The following STK39 variants were observed in gnomAD, a reference collection of about 807,000 sequenced individuals.
STK39 encodes the protein STE20/SPS1-related proline-alanine-rich protein kinase.
In STK39, 20 loss-of-function variants were observed where a neutral mutation model predicts 77.8. The observed-to-expected ratio is 0.26, with a 90% CI of 0.18 to 0.37. The LOEUF (loss-of-function observed/expected upper bound fraction) is 0.37. Among genes scored for constraint, STK39 ranks in the 10% least tolerant of loss-of-function variants. The pLI, the probability that STK39 is intolerant of heterozygous loss-of-function variation, is 1.00. For synonymous variants in STK39, 246 were observed against 234.1 expected, an observed-to-expected ratio of 1.05 and a Z score of -0.47; for missense variants, 479 against 656.5, an observed-to-expected ratio of 0.73 and a Z score of 2.95.
At chr2:168,075,357 G>C (rs1399395806) in intron 10 of STK39, 126 bp from the exon 11 acceptor site, 1 of 1,302,828 alleles carries the variant, frequency 7.7e-7, no homozygotes, top group East Asian at 2.3e-5. Context: ...TGAATCCAGG[G>C]ATAGCTAGCG....
chr2:168,100,705 A>C (rs1686800731), intron 10 of STK39, among the ~76,000 whole-genome samples: 1 of 152,154 alleles, frequency 6.6e-6, no homozygotes, highest in Admixed American at 6.5e-5. Flanking sequence ...ATCTACAAAA[A>C]ACTTAATGCT....
At chr2:168,107,293 T>C (rs1312891493) in intron 10 of STK39, among the ~76,000 whole-genome samples, 3 of 152,188 alleles carry the variant, frequency 2.0e-5, no homozygotes, top group Non-Finnish European at 4.4e-5. Context: ...TATAAAAACC[T>C]TTAGTCTTGA....
rs975881012 is a variant in STK39 at position 168,174,732 on chromosome 2, T to G, written c.321+7246A>C. ...GAAATAGATGGCCGGCCTGGTAGCATGCACCTGTAATGACAACTACTCACC... is the reference window on the plus strand; with the variant it reads ...GAAATAGATGGCCGGCCTGGTAGCAGGCACCTGTAATGACAACTACTCACC... On this transcript the variant is annotated intron_variant, in intron 2 of 17. Transcript: ENST00000355999. Among the ~76,000 whole-genome samples, 5 of 150,058 alleles carry G rather than the reference T, an allele frequency of 3.3e-5. No homozygotes were observed. In the East Asian group the frequency reaches 9.8e-4, roughly 30 times the overall value.
At chr2:168,009,311 A>C (rs1223932046) in intron 16 of STK39, among the ~76,000 whole-genome samples, 1 of 152,194 alleles carries the variant, frequency 6.6e-6, no homozygotes, top group Non-Finnish European at 1.5e-5. Flanking sequence ...GATTGGTTAG[A>C]GGGAACAAGA....
chr2:168,223,496 G>A (rs1690226839), intron 1 of STK39, among the ~76,000 whole-genome samples: 1 of 131,664 alleles, frequency 7.6e-6, no homozygotes, highest in Non-Finnish European at 1.6e-5. Flanking sequence ...GGGTGACAGA[G>A]TGAGACTCCG....
At chr2:168,096,906 G>GA (rs35250426) in intron 10 of STK39, among the ~76,000 whole-genome samples, 56,730 of 151,306 alleles carry the variant, frequency 0.37, 11,672 homozygotes, top group East Asian at 0.53. Flanking sequence ...AATAAGCATA[G>GA]AAAAAAAAAC....
At chr2:168,242,221 G>A (rs56988309) in intron 1 of STK39, among the ~76,000 whole-genome samples, 2,158 of 151,854 alleles carry the variant, frequency 0.014, 55 homozygotes, top group African/African-American at 0.049. Context: ...CTTTAAGAAC[G>A]GTTAAAATGG....
chr2:167,992,622 C>A (rs2105284736), intron 16 of STK39, among the ~76,000 whole-genome samples: 1 of 152,230 alleles, frequency 6.6e-6, no homozygotes, highest in East Asian at 1.9e-4. Flanking sequence ...TAAATTAAGA[C>A]TTGAGACAGA....
intron 3 of STK39, 146 bp downstream of exon 3, chr2:168,167,153 G>C: frequency 1.5e-6 from 1 of 668,458 alleles, no homozygotes; most frequent in South Asian, 1.9e-5. Flanking sequence ...GAAGCAATCT[G>C]GACGTTATCC....
intron 1 of STK39, among the ~76,000 whole-genome samples, chr2:168,182,687 G>C (rs1007150986): frequency 1.3e-5 from 2 of 152,132 alleles, no homozygotes; most frequent in African/African-American, 4.8e-5. Flanking sequence ...ATGATCATTA[G>C]CTAATGCACT....
At chr2:168,107,794 CTG>C (rs977363528) in intron 10 of STK39, among the ~76,000 whole-genome samples, 1 of 152,214 alleles carries the variant, frequency 6.6e-6, no homozygotes, top group African/African-American at 2.4e-5. Flanking sequence ...TACTGTAACA[CTG>C]TTCATAGTGA....
chr2:167,992,982 T>C (rs1189856489), intron 16 of STK39, among the ~76,000 whole-genome samples: 1 of 152,250 alleles, frequency 6.6e-6, no homozygotes, highest in Non-Finnish European at 1.5e-5. Flanking sequence ...AAGCAAACTT[T>C]GGTTTCTTCT....
chr2:168,097,549 A>C (rs1161824884), intron 10 of STK39, among the ~76,000 whole-genome samples: 2 of 152,014 alleles, frequency 1.3e-5, no homozygotes, highest in Non-Finnish European at 2.9e-5. Context: ...ACACAGCCAG[A>C]CCTCATCTCC....
At chr2:168,091,528 T>A (rs1193678863) in intron 10 of STK39, among the ~76,000 whole-genome samples, 1 of 152,216 alleles carries the variant, frequency 6.6e-6, no homozygotes, top group South Asian at 2.1e-4. Context: ...TTAGCTGTGG[T>A]GTCAGATTCC....
chr2:168,236,764 T>C (rs556435196), intron 1 of STK39, among the ~76,000 whole-genome samples: 4 of 152,294 alleles, frequency 2.6e-5, no homozygotes, highest in South Asian at 2.1e-4. Flanking sequence ...GTTGTAGATA[T>C]GCGGCATTAT....
In STK39 at chr2:168,228,329, T is replaced by C. The variant is rs184510583; in HGVS notation, c.208+18899A>G. ...GTAGACATTTCTAAAAATATCAATT[T>C]ACACTTTTTTTTTTAAAGTTCTATG... On this transcript the variant is annotated intron_variant, in intron 1 of 17. Transcript: ENST00000355999. Among the ~76,000 whole-genome samples, 264 of 152,206 alleles carry C rather than the reference T, an allele frequency of 1.7e-3. 2 individuals carry two copies. Among genetic ancestry groups the C allele is most frequent in the African/African-American group, 6.0e-3 (250 of 41,436 alleles).
chr2:168,147,754 G>T (rs10177381), intron 5 of STK39, among the ~76,000 whole-genome samples: 5,974 of 152,112 alleles, frequency 0.039, 312 homozygotes, highest in East Asian at 0.24. Context: ...ATAAATACAA[G>T]AAACATGCTA....
intron 16 of STK39, among the ~76,000 whole-genome samples, chr2:168,003,660 A>G (rs1284414414): frequency 2.0e-5 from 3 of 152,216 alleles, no homozygotes; most frequent in Non-Finnish European, 2.9e-5. Flanking sequence ...TATAGTCCTA[A>G]TTCCCTAAGG....
At chr2:167,956,714 TCTCTCTCTC>T (rs1559032357) in intron 17 of STK39, among the ~76,000 whole-genome samples, 7 of 48,132 alleles carry the variant, frequency 1.5e-4, no homozygotes, top group African/African-American at 2.0e-4. Flanking sequence ...TCTCTCTCTC[TCTCTCTCTC>T]TCTCTCCCCC....
Sources: allele counts gnomAD v4.1 joint callset (sites outside exome capture counted in the v4.1 genomes callset), GRCh38; gene constraint gnomAD v4.1.1; transcripts MANE v1.5; gene names NCBI Gene and HGNC (gene_info 2026-07-23, HGNC 2026-07-21).